Variants in GDA observed in about 807,000 individuals in gnomAD.
The protein encoded by GDA is cytoplasmic PSD-95 interactor.
A neutral mutation model predicts 59.6 loss-of-function variants in GDA; 18 were observed. That is an observed-to-expected ratio of 0.30 (90% CI 0.21 to 0.45). The LOEUF (loss-of-function observed/expected upper bound fraction) is 0.45. GDA is among the 20% of genes least tolerant of loss of function. The pLI is 1.00. For missense variants in GDA, 427 were observed against 552.3 expected, an observed-to-expected ratio of 0.77 and a Z score of 2.27; for synonymous variants, 201 against 201.1, an observed-to-expected ratio of 1.00 and a Z score of 0.00.
Position 72,241,303 on chromosome 9 carries a change from T to C in GDA, c.1135+5T>C. The C allele has an allele frequency of 6.3e-7, 1 of 1,588,442 alleles. No individual in the cohort carries two copies. The highest frequency in any genetic ancestry group is 8.6e-7 in the Non-Finnish European group (1 of 1,160,546). Reference sequence around the variant, plus strand: ...CTACTCTTGGAGGAAGCCAAGGTAATGACTCTTACATTTTTCTCTCACACA... The same window carrying C: ...CTACTCTTGGAGGAAGCCAAGGTAACGACTCTTACATTTTTCTCTCACACA... On this transcript the variant is annotated splice_donor_5th_base_variant and intron_variant, in intron 11 of 13. Transcript: ENST00000358399.
chr9:72,230,672 T>C (rs977475248), intron 9 of GDA, among the ~76,000 whole-genome samples: 1 of 152,000 alleles, frequency 6.6e-6, no homozygotes, highest in Admixed American at 6.6e-5. Flanking sequence ...TACTCCCCTT[T>C]TTCGATCTTA....
chr9:72,206,749 G>A (rs1834765554), intron 3 of GDA, among the ~76,000 whole-genome samples: 1 of 152,070 alleles, frequency 6.6e-6, no homozygotes, highest in Admixed American at 6.6e-5. Flanking sequence ...TCTAGTCTGG[G>A]TGACAGAGTG....
intron 4 of GDA, among the ~76,000 whole-genome samples, chr9:72,213,297 C>A (rs944446625): frequency 4.6e-5 from 7 of 151,806 alleles, no homozygotes; most frequent in South Asian, 2.1e-4. Flanking sequence ...AACAAAAAAA[C>A]CAAAAAACCC....
At chr9:72,222,453 C>T (rs888022317) in intron 6 of GDA, among the ~76,000 whole-genome samples, 2 of 152,052 alleles carry the variant, frequency 1.3e-5, no homozygotes, top group African/African-American at 4.8e-5. Context: ...CTTATAGATG[C>T]TGGATATTAG....
intron 1 of GDA, among the ~76,000 whole-genome samples, chr9:72,194,580 G>A (rs936073840): frequency 6.6e-6 from 1 of 152,076 alleles, no homozygotes; most frequent in Admixed American, 6.5e-5. Flanking sequence ...CTGGAGTTAG[G>A]GGAGGGGTGA....
Position 72,250,209 on chromosome 9 carries a change from A to G in GDA, c.*1867A>G, listed in dbSNP as rs987008489. On this transcript the variant is annotated 3_prime_UTR_variant, in exon 14 of 14. Transcript: ENST00000358399. ...TGATTACATGGTGTCTAACCAAATGAGCAGGCTTAGGAATTTAGATGAGAT... is the reference window on the plus strand; with the variant it reads ...TGATTACATGGTGTCTAACCAAATGGGCAGGCTTAGGAATTTAGATGAGAT... 5.1e-5 allele frequency: 50 copies of G among 985,680 alleles called. No individual in the cohort carries two copies. The highest frequency in any genetic ancestry group is 5.9e-5 in the Non-Finnish European group (49 of 830,174). 61.1% of individuals were successfully genotyped at this position (985,680 alleles called of 1,614,324 possible). A position where few individuals can be genotyped will look rare whatever the true frequency, so the allele number is the denominator to read the frequency against.
Position 72,133,303 on chromosome 9 carries a change from A to AT in GDA, c.-100+18470_-100+18471insT, listed in dbSNP as rs1564150789. On this transcript the variant is annotated intron_variant, in intron 1 of 13. Coordinates refer to the GDA transcript ENST00000545168. ...GACTCTGTCTAAAAAAAAAAAAAAA[A>AT]AAAAAAATAATAATAATAATAATAA... is the stretch of plus-strand genomic sequence containing the variant. Among the ~76,000 whole-genome samples the AT allele has an allele frequency of 3.3e-4, 34 of 102,656 alleles. No homozygotes were observed. The East Asian group carries it at 4.3e-3, about 13-fold the overall frequency. 67.3% of individuals were successfully genotyped at this position (102,656 alleles called of 152,430 possible).
intron 1 of GDA, among the ~76,000 whole-genome samples, chr9:72,150,336 C>A (rs1270475715): frequency 6.7e-6 from 1 of 149,452 alleles, no homozygotes; most frequent in African/African-American, 2.5e-5. Context: ...CACACACACA[C>A]GCACGCACAC....
At chr9:72,163,320 G>A (rs111837588) in intron 1 of GDA, among the ~76,000 whole-genome samples, 1 of 152,058 alleles carries the variant, frequency 6.6e-6, no homozygotes, top group Admixed American at 6.6e-5. Context: ...ATTGCAATTT[G>A]GGGGGCATGC....
intron 10 of GDA, among the ~76,000 whole-genome samples, chr9:72,234,506 G>T (rs1432699373): frequency 6.6e-6 from 1 of 152,184 alleles, no homozygotes; most frequent in African/African-American, 2.4e-5. Context: ...AATCAGTGAT[G>T]TGAGAATAAA....
In GDA at chr9:72,149,502, G is replaced by A; in HGVS notation, c.-58G>A. The A allele has an allele frequency of 6.3e-7, 1 of 1,594,072 alleles. No individual in the cohort carries two copies. The highest frequency in any genetic ancestry group is 8.5e-7 in the Non-Finnish European group (1 of 1,173,714). ...CCGCAGCTGCAGAGAGTCCCGCTGC[G>A]TCTCCGCCGCGTGCGCCCTCCTCGA... On this transcript the variant is annotated 5_prime_UTR_variant, in exon 1 of 14. Coordinates refer to ENST00000358399, the MANE Select transcript of GDA (RefSeq NM_004293.5).
chr9:72,230,276 T>G (rs190454178), intron 9 of GDA, among the ~76,000 whole-genome samples: 1 of 152,076 alleles, frequency 6.6e-6, no homozygotes, highest in Non-Finnish European at 1.5e-5. Flanking sequence ...GAGGATCACC[T>G]GAGGTCAAGA....
At chr9:72,191,840 G>A (rs1832597429) in intron 1 of GDA, among the ~76,000 whole-genome samples, 1 of 152,020 alleles carries the variant, frequency 6.6e-6, no homozygotes, top group Non-Finnish European at 1.5e-5. Context: ...CACCCACCTC[G>A]GCCTCCCAAA....
rs1363876060 is a variant in GDA at position 72,217,914 on chromosome 9, T to C, written c.579-1565T>C. On this transcript the variant is annotated intron_variant, in intron 5 of 13. Transcript: ENST00000358399. The stretch of plus-strand genomic sequence containing the variant: ...GGTTTATTTATTTATTTTTATTTTC[T>C]ATTTTTTATTTTTTTTTTAGATGGA... 2.0e-5 allele frequency among the ~76,000 whole-genome samples: 3 copies of C among 152,184 alleles called. No individual in the cohort carries two copies. In the East Asian group the frequency reaches 5.8e-4, roughly 29 times the overall value.
chr9:72,116,315 C>A (rs1261259825), intron 1 of GDA, among the ~76,000 whole-genome samples: 1 of 151,858 alleles, frequency 6.6e-6, no homozygotes, highest in Non-Finnish European at 1.5e-5. Context: ...GATTACAAAG[C>A]ACCTTACAAT....
chr9:72,143,335 G>A (rs1047443807), intron 1 of GDA, among the ~76,000 whole-genome samples: 2 of 151,426 alleles, frequency 1.3e-5, no homozygotes, highest in Admixed American at 6.6e-5. Context: ...CTCCATGTTG[G>A]CCAGCCTGGT....
At chr9:72,243,043 C>T (rs11143196) in intron 11 of GDA, among the ~76,000 whole-genome samples, 3,806 of 152,198 alleles carry the variant, frequency 0.025, 68 homozygotes, top group Non-Finnish European at 0.039. Flanking sequence ...TAGTTTGTTT[C>T]TCTACTATAG....
chr9:72,214,484 C>T (rs900409835), intron 5 of GDA, among the ~76,000 whole-genome samples: 37 of 151,782 alleles, frequency 2.4e-4, no homozygotes, highest in African/African-American at 7.5e-4. Context: ...TTAGTAGAGA[C>T]GGGGTTTCAC....
chr9:72,228,278 CA>C, intron 9 of GDA: 22 of 440,150 alleles, frequency 5.0e-5, no homozygotes, highest in East Asian at 8.4e-5. Flanking sequence ...TGAGTTTGTA[CA>C]AAAAAAGGAC....
Sources: gnomAD v4.1 joint callset for allele counts (sites outside exome capture counted in the v4.1 genomes callset) on GRCh38, gnomAD v4.1.1 for gene constraint, MANE v1.5 for transcripts, NCBI Gene and HGNC (gene_info 2026-07-23, HGNC 2026-07-21) for gene names.